The following SMIM36 variants were observed in gnomAD, a reference collection of about 807,000 sequenced individuals.
The protein encoded by SMIM36 is small integral membrane protein 36.
chr17:55,462,606 T>A (rs1361023627), intron 4 of SMIM36, among the ~76,000 whole-genome samples: 1 of 152,066 alleles, frequency 6.6e-6, no homozygotes, highest in Admixed American at 6.6e-5. Context: ...ATTATGTCTC[T>A]AAATAAATAA....
chr17:55,501,032 T>TA (rs1909926970), intron 1 of SMIM36, among the ~76,000 whole-genome samples: 1 of 53,436 alleles, frequency 1.9e-5, no homozygotes, highest in Non-Finnish European at 2.9e-5. Context: ...ATATATAATA[T>TA]ATTATTATAT....
intron 1 of SMIM36, among the ~76,000 whole-genome samples, chr17:55,510,152 C>G (rs28627167): frequency 0.18 from 26,951 of 151,836 alleles, 5,190 homozygotes; most frequent in African/African-American, 0.47. Context: ...TAACCATGGC[C>G]ACACAGCTAG....
rs565183223 is a variant in SMIM36 at position 55,491,434 on chromosome 17, AAG to A, written c.*175-11856_*175-11855del. On this transcript the variant is annotated intron_variant, in intron 1 of 4. Transcript: ENST00000636752. Reference sequence around the variant, plus strand: ...TTAACAAATGTGTATTAATTTTAGAAAGAGAAACAACCCCACTAGGGCAGCTG... The same window carrying A: ...TTAACAAATGTGTATTAATTTTAGAAAGAAACAACCCCACTAGGGCAGCTG... Among the ~76,000 whole-genome samples, 135 of 152,260 alleles carry A rather than the reference AAG, an allele frequency of 8.9e-4. 1 individual carries two copies. The highest frequency in any genetic ancestry group is 3.2e-3 in the African/African-American group (131 of 41,536).
At chr17:55,496,001 G>T (rs1335612596) in intron 1 of SMIM36, among the ~76,000 whole-genome samples, 1 of 152,112 alleles carries the variant, frequency 6.6e-6, no homozygotes, top group Non-Finnish European at 1.5e-5. Context: ...TGTGTATAAT[G>T]ACTGCTGCGT....
intron 3 of SMIM36, among the ~76,000 whole-genome samples, chr17:55,468,842 G>A (rs73318300): frequency 0.21 from 31,254 of 151,848 alleles, 5,302 homozygotes; most frequent in African/African-American, 0.47. Context: ...CTGTAATACC[G>A]CTTGGCCCCA....
chr17:55,473,422 G>C (rs1439129624), intron 3 of SMIM36, among the ~76,000 whole-genome samples: 1 of 152,136 alleles, frequency 6.6e-6, no homozygotes, highest in African/African-American at 2.4e-5. Context: ...CTCCGAAAAG[G>C]CTACTGCGGT....
intron 4 of SMIM36, among the ~76,000 whole-genome samples, chr17:55,457,341 C>T (rs935903317): frequency 2.0e-5 from 3 of 150,106 alleles, no homozygotes; most frequent in African/African-American, 7.4e-5. Flanking sequence ...GTCCTAGCTA[C>T]TCAGGAGGCT....
At chr17:55,518,483 G>A in the SMIM36 span, among the ~76,000 whole-genome samples, 1 of 152,188 alleles carries the variant, frequency 6.6e-6, no homozygotes, top group Non-Finnish European at 1.5e-5. Flanking sequence ...GATCGATCAA[G>A]TAAAATGAGA....
the SMIM36 span, among the ~76,000 whole-genome samples, chr17:55,523,728 G>A: frequency 1.3e-5 from 2 of 152,066 alleles, no homozygotes; most frequent in Non-Finnish European, 2.9e-5. Flanking sequence ...AGTCTCGGCC[G>A]ACTAATACAT....
intron 4 of SMIM36, among the ~76,000 whole-genome samples, chr17:55,456,116 CAAAAAA>C (rs10546288): frequency 2.3e-4 from 9 of 39,534 alleles, no homozygotes; most frequent in Non-Finnish European, 3.2e-4. Flanking sequence ...AAAACTGTCT[CAAAAAA>C]AAAAAAAAAA....
rs188082771 is a variant in SMIM36, at chr17:55,494,337, C to A, written c.*175-14757G>T. 3.6e-4 allele frequency among the ~76,000 whole-genome samples: 55 copies of A among 152,242 alleles called. 1 individual carries two copies. Among genetic ancestry groups the A allele is most frequent in the Admixed American group, 2.2e-3 (34 of 15,300 alleles). ...TTTCCTTTGTGTATTAAAAAACTCA[C>A]CAAGGAACTCTGCAAAGCATCCTTA... On this transcript the variant is annotated intron_variant, in intron 1 of 4. Transcript: ENST00000636752.
intron 1 of SMIM36, among the ~76,000 whole-genome samples, chr17:55,492,686 T>C (rs1839250552): frequency 6.6e-6 from 1 of 151,104 alleles, no homozygotes; most frequent in Non-Finnish European, 1.5e-5. Flanking sequence ...GAACATCTTA[T>C]AAAAAGGTTT....
chr17:55,521,314 A>T, the SMIM36 span, among the ~76,000 whole-genome samples: 1 of 152,246 alleles, frequency 6.6e-6, no homozygotes. Context: ...AGTATTGACA[A>T]GAACCCTTAC....
rs1567870742 is a variant in SMIM36, at chr17:55,501,030, T to TATGTAAC, written c.*174+9848_*174+9849insGTTACAT. 9.3e-5 allele frequency among the ~76,000 whole-genome samples: 6 copies of TATGTAAC among 64,548 alleles called. 2 individuals are homozygous for TATGTAAC. Among genetic ancestry groups the TATGTAAC allele is most frequent in the African/African-American group, 3.7e-4 (5 of 13,490 alleles). 42.3% of individuals were successfully genotyped at this position (64,548 alleles called of 152,430 possible). A position where few individuals can be genotyped will look rare whatever the true frequency, so the allele number is the denominator to read the frequency against. ...TATTATTATATTTTGTAATATATAA[T>TATGTAAC]ATATTATTATATATTATAATATATA... On this transcript the variant is annotated intron_variant, in intron 1 of 4. Coordinates refer to ENST00000636752, the Ensembl canonical transcript of SMIM36.
At chr17:55,466,720 T>C (rs1460243670) in intron 4 of SMIM36, among the ~76,000 whole-genome samples, 4 of 152,040 alleles carry the variant, frequency 2.6e-5, no homozygotes, top group Non-Finnish European at 5.9e-5. Flanking sequence ...TTGAAGTGAT[T>C]CTCTCAGCTG....
At chr17:55,455,806 A>G (rs1017274077) in intron 4 of SMIM36, among the ~76,000 whole-genome samples, 3 of 151,758 alleles carry the variant, frequency 2.0e-5, no homozygotes, top group African/African-American at 7.3e-5. Flanking sequence ...ACAAAAACAA[A>G]CAAACAAACA....
intron 4 of SMIM36, among the ~76,000 whole-genome samples, chr17:55,465,541 T>C (rs1010950239): frequency 1.2e-4 from 18 of 152,118 alleles, no homozygotes; most frequent in African/African-American, 4.1e-4. Context: ...TGTGCTTATG[T>C]TGGGTAGATG....
chr17:55,492,211 A>T (rs966916573), intron 1 of SMIM36, among the ~76,000 whole-genome samples: 2 of 147,586 alleles, frequency 1.4e-5, no homozygotes, highest in Non-Finnish European at 3.0e-5. Flanking sequence ...CTTGATATTG[A>T]TATTTCTTTT....
chr17:55,512,494 A>T (rs1910198096), upstream of SMIM36, among the ~76,000 whole-genome samples: 1 of 152,206 alleles, frequency 6.6e-6, no homozygotes, highest in Non-Finnish European at 1.5e-5. Flanking sequence ...ATGCAGAAAA[A>T]CAAGCAAATT....
Sources: allele counts gnomAD v4.1 joint callset (sites outside exome capture counted in the v4.1 genomes callset), GRCh38; gene constraint gnomAD v4.1.1; transcripts MANE v1.5; gene names NCBI Gene and HGNC (gene_info 2026-07-23, HGNC 2026-07-21).